TNIP3: variants seen among roughly 807,000 people sequenced by gnomAD.
TNIP3 encodes the protein TNFAIP3 interacting protein 3.
Under a neutral mutation model 54.1 loss-of-function variants are expected in TNIP3, and 34 were observed. The ratio of observed to expected loss-of-function variants is 0.63; its 90% CI spans 0.48 to 0.84. The LOEUF (loss-of-function observed/expected upper bound fraction) is 0.84. Among genes scored for constraint, TNIP3 ranks in the 40% least tolerant of loss-of-function variants. The probability of loss-of-function intolerance (pLI) is 0.00; values close to 1 mark genes in which losing one functional copy is unlikely to be tolerated. For missense variants in TNIP3, 366 were observed against 387.6 expected (o/e 0.94, Z 0.47); for synonymous variants, 134 against 136.8 (o/e 0.98, Z 0.14).
upstream of TNIP3, among the ~76,000 whole-genome samples, chr4:121,168,928 G>A (rs1292633430): frequency 6.6e-6 from 1 of 152,128 alleles, no homozygotes; most frequent in Admixed American, 6.5e-5. Context: ...TGCTAGTTAT[G>A]TGACCTTGGG....
intron 2 of TNIP3, among the ~76,000 whole-genome samples, chr4:121,214,564 C>A (rs1474435710): frequency 6.6e-6 from 1 of 152,106 alleles, no homozygotes; most frequent in Non-Finnish European, 1.5e-5. Flanking sequence ...TTGCCCCTAC[C>A]TCTTAGAAAT....
At chr4:121,150,358 TC>T in intron 5 of TNIP3, 139 bp from the exon 6 acceptor site, 1 of 480,160 alleles carries the variant, frequency 2.1e-6, no homozygotes, top group Non-Finnish European at 3.7e-6. Flanking sequence ...CAAGTAACTT[TC>T]TTCTTTCTGA....
At chr4:121,150,426 C>G (rs536163654) in intron 5 of TNIP3, among the ~76,000 whole-genome samples, 2 of 151,614 alleles carry the variant, frequency 1.3e-5, no homozygotes, top group African/African-American at 4.8e-5. Context: ...CATGATGATG[C>G]TTATGTTAGT....
At chr4:121,194,995 C>T (rs564051692) in intron 2 of TNIP3, among the ~76,000 whole-genome samples, 7 of 152,202 alleles carry the variant, frequency 4.6e-5, no homozygotes, top group African/African-American at 1.7e-4. Context: ...TGGCAAAACC[C>T]TATCTCTACT....
At position 121,157,194 on chromosome 4, in the gene TNIP3, G is replaced by C. The variant is rs114015715; in HGVS notation, c.263C>G (p.Thr88Arg). The change falls in exon 4 of 11, where the codon ACG (threonine) becomes AGG (arginine). Residue 88 changes from threonine (T) to arginine (R), a missense_variant. Coordinates refer to ENST00000057513, the MANE Select transcript of TNIP3 (RefSeq NM_024873.6). ...CCTCTGATGCGGATCCTTCTCCCGCGTGCTGAGGAATCTTTCCGCGGCGTC... is the reference window on the plus strand; with the variant it reads ...CCTCTGATGCGGATCCTTCTCCCGCCTGCTGAGGAATCTTTCCGCGGCGTC... ...KLDAAERFLS[T>R]REKDPHQRQR... 8,297 of 1,613,856 alleles carry C rather than the reference G, an allele frequency of 5.1e-3. 16 individuals are homozygous for C. The highest frequency in any genetic ancestry group is 6.5e-3 in the Non-Finnish European group (7,628 of 1,179,838).
intron 3 of TNIP3, among the ~76,000 whole-genome samples, chr4:121,178,287 G>C (rs117730181): frequency 6.6e-6 from 1 of 152,282 alleles, no homozygotes; most frequent in East Asian, 1.9e-4. Context: ...ATGAGCTAAT[G>C]AATAGAAATA....
Position 121,224,180 on chromosome 4 carries a change from T to G in TNIP3, c.3+3205A>C, listed in dbSNP as rs371261688. Among the ~76,000 whole-genome samples, 691 of 152,280 alleles carry G rather than the reference T, an allele frequency of 4.5e-3. 5 individuals are homozygous for G. Among genetic ancestry groups the G allele is most frequent in the African/African-American group, 0.016 (650 of 41,566 alleles). ...GAGTTTGAGACCAGCCTGGCCAATG[T>G]GGCGAAACCCCATCTCTACTAAAAG... On this transcript the variant is annotated intron_variant, in intron 1 of 12. Transcript: ENST00000509841.
At chr4:121,199,266 A>G (rs1725755868) in intron 2 of TNIP3, among the ~76,000 whole-genome samples, 1 of 152,242 alleles carries the variant, frequency 6.6e-6, no homozygotes, top group Non-Finnish European at 1.5e-5. Flanking sequence ...GATGGATGCT[A>G]GAGCTGGGAA....
chr4:121,175,912 A>T (rs1422480620), intron 3 of TNIP3, among the ~76,000 whole-genome samples: 1 of 152,204 alleles, frequency 6.6e-6, no homozygotes. Context: ...CTGGTGGTGT[A>T]CTTTATTAGA....
At chr4:121,178,823 G>C (rs913890441) in intron 3 of TNIP3, among the ~76,000 whole-genome samples, 1 of 152,082 alleles carries the variant, frequency 6.6e-6, no homozygotes, top group Admixed American at 6.6e-5. Context: ...ATTCTATGTT[G>C]TGATTTTTAT....
intron 2 of TNIP3, among the ~76,000 whole-genome samples, chr4:121,198,418 C>G (rs909421135): frequency 2.2e-4 from 33 of 152,250 alleles, no homozygotes; most frequent in African/African-American, 7.9e-4. Context: ...CTTATGAAAT[C>G]ATTCTCACAG....
chr4:121,217,774 G>T (rs914860335), upstream of TNIP3, among the ~76,000 whole-genome samples: 1 of 152,190 alleles, frequency 6.6e-6, no homozygotes, highest in Non-Finnish European at 1.5e-5. Context: ...AAAGAAATTT[G>T]TAGTAAGGTT....
upstream of TNIP3, among the ~76,000 whole-genome samples, chr4:121,218,256 A>G (rs1726884374): frequency 6.6e-6 from 1 of 152,204 alleles, no homozygotes; most frequent in Admixed American, 6.5e-5. Flanking sequence ...TGGCATGTGC[A>G]AAGGGAAATC....
chr4:121,137,053 T>C (rs550977253), intron 10 of TNIP3, among the ~76,000 whole-genome samples: 1 of 152,276 alleles, frequency 6.6e-6, no homozygotes, highest in East Asian at 1.9e-4. Flanking sequence ...ATTTAGTTTC[T>C]GAATGTCATC....
At chr4:121,204,506 G>A (rs986295793) in intron 2 of TNIP3, among the ~76,000 whole-genome samples, 9 of 152,122 alleles carry the variant, frequency 5.9e-5, no homozygotes, top group South Asian at 2.1e-4. Context: ...CTCCTAAGGC[G>A]TGCATCCTCA....
chr4:121,154,484 C>T, intron 5 of TNIP3, 67 bp downstream of exon 5: 1 of 1,592,038 alleles, frequency 6.3e-7, no homozygotes, highest in East Asian at 2.2e-5. Flanking sequence ...TTTGTTGCGA[C>T]TGTCAGTAAG....
At chr4:121,205,049 G>C (rs1726105470) in intron 2 of TNIP3, among the ~76,000 whole-genome samples, 1 of 152,070 alleles carries the variant, frequency 6.6e-6, no homozygotes, top group Non-Finnish European at 1.5e-5. Flanking sequence ...TTTCCCATTT[G>C]TAGTAGTTCT....
At chr4:121,226,219 A>T (rs1451629571) in intron 1 of TNIP3, among the ~76,000 whole-genome samples, 1 of 151,970 alleles carries the variant, frequency 6.6e-6, no homozygotes, top group African/African-American at 2.4e-5. Flanking sequence ...AAAGAGACAG[A>T]GGCAGAGGTA....
At chr4:121,150,383 G>GTATTTTT (rs534234302) in intron 5 of TNIP3, among the ~76,000 whole-genome samples, 164 bp from the exon 6 acceptor site, 57 of 151,468 alleles carry the variant, frequency 3.8e-4, no homozygotes, top group African/African-American at 1.4e-3. Context: ...TCTCATATAT[G>GTATTTTT]TATTTTTTTT....
Sources: allele counts gnomAD v4.1 joint callset (sites outside exome capture counted in the v4.1 genomes callset), GRCh38; gene constraint gnomAD v4.1.1; transcripts MANE v1.5; gene names NCBI Gene and HGNC (gene_info 2026-07-23, HGNC 2026-07-21).